Variants in IVD observed in about 807,000 individuals in gnomAD.
IVD encodes the protein isovaleryl-CoA dehydrogenase, mitochondrial.
IVD carries 31 observed loss-of-function variants against 51.3 expected under a neutral mutation model. The observed-to-expected ratio is 0.60, with a 90% CI of 0.45 to 0.81. The LOEUF is 0.81. Among genes scored for constraint, IVD ranks in the 40% least tolerant of loss-of-function variants. The probability of loss-of-function intolerance (pLI) is 0.00; values close to 1 mark genes in which losing one functional copy is unlikely to be tolerated. For synonymous variants in IVD, 205 were observed against 219.4 expected (o/e 0.93, Z 0.58); for missense variants, 475 against 552.0 (o/e 0.86, Z 1.40).
chr15:40,433,774 G>T, intron 7 of IVD: 1 of 442,632 alleles, frequency 2.3e-6, no homozygotes. Context: ...TATTTGCCAG[G>T]TATCATGCCA....
chr15:40,412,355 G>A (rs1313701691), intron 6 of IVD, among the ~76,000 whole-genome samples: 1 of 152,208 alleles, frequency 6.6e-6, no homozygotes, highest in Admixed American at 6.5e-5. Context: ...CCACGAGTGG[G>A]GGAGTTGGCA....
chr15:40,420,308 C>A lies in IVD; in HGVS notation c.*2045C>A. 1.0e-6 allele frequency: 1 copy of A among 987,712 alleles called. No individual in the cohort carries two copies. Among genetic ancestry groups the A allele is most frequent in the Non-Finnish European group, 1.2e-6 (1 of 830,170 alleles). 61.2% of individuals were successfully genotyped at this position (987,712 alleles called of 1,614,324 possible). The stretch of plus-strand genomic sequence containing the variant: ...GCTGACTGGGCAGCAGGCACAGGCC[C>A]TACCCGAGCAGGCCGGAGTTGGCTC... On this transcript the variant is annotated 3_prime_UTR_variant, in exon 12 of 12. Transcript: ENST00000487418.
downstream of IVD, among the ~76,000 whole-genome samples, chr15:40,422,585 C>CTTTTTT (rs1157351420): frequency 2.2e-3 from 149 of 69,100 alleles, 10 homozygotes; most frequent in African/African-American, 3.8e-3. Flanking sequence ...GCCCGGCCGA[C>CTTTTTT]TTTTTTTTTT....
chr15:40,414,777 T>G lies in IVD; in HGVS notation c.785-112T>G, dbSNP rs1891461609. On this transcript the variant is annotated intron_variant, in intron 7 of 11. Coordinates refer to ENST00000487418, the MANE Select transcript of IVD (RefSeq NM_002225.5). ...GAACCTTAGTTGAATAAAGGTCAAG[T>G]GACATATTTTAGTGCCTTACTTGAG... The G allele has an allele frequency of 7.2e-6, 11 of 1,522,114 alleles. No individual in the cohort carries two copies. In the South Asian group the frequency reaches 8.4e-5, roughly 12 times the overall value. The allele number at this position is 1,522,114 out of a possible 1,614,324, so 94.3% of individuals were successfully genotyped here.
At chr15:40,415,764 G>C (rs1479218773) in intron 9 of IVD, among the ~76,000 whole-genome samples, 1 of 152,220 alleles carries the variant, frequency 6.6e-6, no homozygotes, top group Non-Finnish European at 1.5e-5. Flanking sequence ...GAAAGAGGTT[G>C]CTATTTGTAG....
rs1046712881 is a variant in IVD at position 40,418,286 on chromosome 15, T to C, written c.*23T>C. On this transcript the variant is annotated 3_prime_UTR_variant, in exon 12 of 12. Coordinates refer to ENST00000487418, the MANE Select transcript of IVD (RefSeq NM_002225.5). Reference sequence around the variant, plus strand: ...TAGTCCTGAGACCCTTCGCCCCCTTTTCCTGCACCTAGTGGCCTTTCTTGG... The same window carrying C: ...TAGTCCTGAGACCCTTCGCCCCCTTCTCCTGCACCTAGTGGCCTTTCTTGG... 3.7e-6 allele frequency: 6 copies of C among 1,613,266 alleles called. No homozygotes were observed. In the African/African-American group the frequency reaches 8.0e-5, roughly 22 times the overall value.
At chr15:40,413,137 C>T (rs1218484348) in intron 7 of IVD, 50 bp downstream of exon 7, 1 of 1,407,758 alleles carries the variant, frequency 7.1e-7, no homozygotes, top group Non-Finnish European at 1.0e-6. Flanking sequence ...CCCTTCCAGG[C>T]TGATCTGGCT....
rs1017546291 is a variant in IVD, at chr15:40,420,466, A to G, written c.*2203A>G. ...AAACAAACCTATCTGGGGAGAAGCA[A>G]TCTACTTGCCGCTGCTTCCTGTCTG... On this transcript the variant is annotated 3_prime_UTR_variant, in exon 12 of 12. Coordinates refer to ENST00000487418, the MANE Select transcript of IVD (RefSeq NM_002225.5). 50 of 987,534 alleles carry G rather than the reference A, an allele frequency of 5.1e-5. No individual in the cohort carries two copies. The highest frequency in any genetic ancestry group is 1.2e-4 in the Admixed American group (2 of 16,286). 61.2% of individuals were successfully genotyped at this position (987,534 alleles called of 1,614,324 possible). A position where few individuals can be genotyped will look rare whatever the true frequency, so the allele number is the denominator to read the frequency against.
rs9672893 is a variant in IVD at position 40,414,468 on chromosome 15, G to A, written c.785-421G>A. 6 of 240,732 alleles carry A rather than the reference G, an allele frequency of 2.5e-5. No individual in the cohort carries two copies. In the East Asian group the frequency reaches 3.5e-4, roughly 14 times the overall value. 14.9% of individuals were successfully genotyped at this position (240,732 alleles called of 1,614,324 possible). On this transcript the variant is annotated intron_variant, in intron 7 of 11. Transcript: ENST00000487418. ...GTCTCCTGGACAAAGAAGCTTTCAC[G>A]GACTACTCTGCAGGGAGGTGACATT...
chr15:40,429,611 G>C (rs1892858329), intron 7 of IVD, among the ~76,000 whole-genome samples: 1 of 152,214 alleles, frequency 6.6e-6, no homozygotes, highest in Non-Finnish European at 1.5e-5. Flanking sequence ...ATGCAAAGCA[G>C]GGGGCGGGGG....
downstream of IVD, chr15:40,421,370 G>A (rs1397717254): frequency 1.2e-5 from 12 of 985,372 alleles, no homozygotes; most frequent in African/African-American, 5.2e-5. Flanking sequence ...TCTTGTGGGC[G>A]TGTTTGGTTG....
chr15:40,422,192 T>A (rs893249609), downstream of IVD, among the ~76,000 whole-genome samples: 1 of 151,984 alleles, frequency 6.6e-6, no homozygotes, highest in Non-Finnish European at 1.5e-5. Context: ...AGTTTGGGAT[T>A]TCAGGACTCA....
intron 8 of IVD, among the ~76,000 whole-genome samples, chr15:40,434,901 C>T (rs186147661): frequency 8.6e-4 from 131 of 152,296 alleles, no homozygotes; most frequent in Non-Finnish European, 1.4e-3. Context: ...CCTGGCCATC[C>T]CTGGCCTCAG....
chr15:40,413,165 G>T, intron 7 of IVD, 78 bp downstream of exon 7: 1 of 1,177,816 alleles, frequency 8.5e-7, no homozygotes, highest in Non-Finnish European at 1.3e-6. Context: ...AGTTGAGAAA[G>T]CCTCTGGGTT....
In IVD at chr15:40,405,947, T is replaced by C. The variant is rs1890353155; in HGVS notation, c.120T>C (p.Asn40=). The change falls in exon 1 of 12, where the codon AAT becomes AAC. Residue 40 remains asparagine (N), a synonymous_variant. Coordinates refer to ENST00000487418, the MANE Select transcript of IVD (RefSeq NM_002225.5). Reference sequence around the variant, plus strand: ...TTTTGCCCGTGGACGATGCAATCAATGGGCTAAGCGAGGAGCAGAGGCAGG... The same window carrying C: ...TTTTGCCCGTGGACGATGCAATCAACGGGCTAAGCGAGGAGCAGAGGCAGG... ...HSLLPVDDAI[N]GLSEEQRQLR... 6.2e-7 allele frequency: 1 copy of C among 1,612,112 alleles called. No individual in the cohort carries two copies. Among genetic ancestry groups the C allele is most frequent in the African/African-American group, 1.3e-5 (1 of 74,908 alleles).
chr15:40,420,126 AAC>A lies in IVD; in HGVS notation c.*1869_*1870del, dbSNP rs901237028. The A allele has an allele frequency of 1.2e-4, 119 of 980,446 alleles. No homozygotes were observed. The highest frequency in any genetic ancestry group is 1.4e-4 in the Non-Finnish European group (117 of 828,528). 60.7% of individuals were successfully genotyped at this position (980,446 alleles called of 1,614,324 possible). A position where few individuals can be genotyped will look rare whatever the true frequency, so the allele number is the denominator to read the frequency against. Reference sequence around the variant, plus strand: ...TCAAAAAATAATAATAAAATAAATGAACACACATGCTGCTGAGTCCGCAGGGG... The same window carrying A: ...TCAAAAAATAATAATAAAATAAATGAACACATGCTGCTGAGTCCGCAGGGG... On this transcript the variant is annotated 3_prime_UTR_variant, in exon 12 of 12. Coordinates refer to ENST00000487418, the MANE Select transcript of IVD (RefSeq NM_002225.5).
chr15:40,431,771 A>T (rs888095184), intron 7 of IVD, among the ~76,000 whole-genome samples: 1 of 152,142 alleles, frequency 6.6e-6, no homozygotes, highest in Non-Finnish European at 1.5e-5. Flanking sequence ...AACATTACCT[A>T]TCACAGAATA....
In IVD at chr15:40,420,647, G is replaced by C. The variant is rs1376895371; in HGVS notation, c.*2384G>C. The C allele has an allele frequency of 1.0e-6, 1 of 987,400 alleles. No homozygotes were observed. Among genetic ancestry groups the C allele is most frequent in the Non-Finnish European group, 1.2e-6 (1 of 830,120 alleles). The allele number at this position is 987,400 out of a possible 1,614,324, so 61.2% of individuals were successfully genotyped here. On this transcript the variant is annotated 3_prime_UTR_variant, in exon 12 of 12. Transcript: ENST00000487418. ...TCCCAGTGAGTTTTAAAGGAAGCAG[G>C]GAGCCCAGAGTGCTAAGTTCTTACA...
In IVD at chr15:40,408,066, G is replaced by A. The variant is rs112287003; in HGVS notation, c.286+76G>A. On this transcript the variant is annotated intron_variant, in intron 3 of 11. Transcript: ENST00000487418. ...GACAGTTCCCAAAAGAAGCAGGAAG[G>A]GAAGGGAAAGATTGTGCTTAAAGAA... 4.4e-5 allele frequency: 61 copies of A among 1,395,830 alleles called. 2 individuals carry two copies. The Middle Eastern group carries it at 5.3e-4, about 12-fold the overall frequency. 86.5% of individuals were successfully genotyped at this position (1,395,830 alleles called of 1,614,324 possible).
Sources: allele counts gnomAD v4.1 joint callset (sites outside exome capture counted in the v4.1 genomes callset), GRCh38; gene constraint gnomAD v4.1.1; transcripts MANE v1.5; gene names NCBI Gene and HGNC (gene_info 2026-07-23, HGNC 2026-07-21).